The following SYT10 variants were observed in gnomAD, a reference collection of about 807,000 sequenced individuals.
The protein encoded by SYT10 is synaptotagmin 10, also known as synaptotagmin-10.
SYT10 carries 31 observed loss-of-function variants against 51.1 expected under a neutral mutation model. The ratio of observed to expected loss-of-function variants is 0.61; its 90% CI spans 0.46 to 0.82. SYT10 has a LOEUF of 0.82. Among genes scored for constraint, SYT10 ranks in the 40% least tolerant of loss-of-function variants. The pLI, the probability that SYT10 is intolerant of heterozygous loss-of-function variation, is 0.00. For missense variants in SYT10, 603 were observed against 634.0 expected, an observed-to-expected ratio of 0.95 and a Z score of 0.53; for synonymous variants, 233 against 225.9, an observed-to-expected ratio of 1.03 and a Z score of -0.28.
chr12:33,439,276 G>A, intron 1 of SYT10, 96 bp downstream of exon 1: 5 of 1,457,860 alleles, frequency 3.4e-6, no homozygotes, highest in South Asian at 1.3e-5. Flanking sequence ...AATATGCCGC[G>A]GGAGCGGCGC....
chr12:33,409,667 C>T (rs1272760341), intron 2 of SYT10, among the ~76,000 whole-genome samples: 1 of 152,026 alleles, frequency 6.6e-6, no homozygotes, highest in Non-Finnish European at 1.5e-5. Context: ...GCGCCCCCTA[C>T]CACGCCCGGC....
At chr12:33,423,807 T>A (rs907483671) in intron 2 of SYT10, 1 of 377,388 alleles carries the variant, frequency 2.6e-6, no homozygotes, top group African/African-American at 2.1e-5. Flanking sequence ...TCTGGATAAA[T>A]TTGAATTCTT....
intron 3 of SYT10, among the ~76,000 whole-genome samples, chr12:33,395,841 T>A (rs1406577343): frequency 1.3e-5 from 2 of 149,574 alleles, no homozygotes; most frequent in Non-Finnish European, 3.0e-5. Context: ...AGCCAATAGT[T>A]GGACTTCCGT....
intron 1 of SYT10, among the ~76,000 whole-genome samples, chr12:33,438,882 G>A (rs1866659114): frequency 6.6e-6 from 1 of 152,258 alleles, no homozygotes; most frequent in Non-Finnish European, 1.5e-5. Context: ...ACCTCTGCAA[G>A]GGAGTTCTGC....
At chr12:33,424,385 A>C (rs1866531605) in intron 2 of SYT10, among the ~76,000 whole-genome samples, 1 of 152,156 alleles carries the variant, frequency 6.6e-6, no homozygotes. Context: ...TAATCTGTAC[A>C]TATCAACTAA....
intron 3 of SYT10, among the ~76,000 whole-genome samples, chr12:33,401,360 C>T (rs908012605): frequency 3.3e-5 from 5 of 152,154 alleles, no homozygotes; most frequent in African/African-American, 4.8e-5. Flanking sequence ...TTTCTATGCT[C>T]GTATTAGAGG....
In SYT10 at chr12:33,379,857, A is replaced by G; in HGVS notation, c.1475T>C (p.Ile492Thr). ...NEMLAYHRKP[I>T]THWHPLLELP... is the part of the protein sequence containing the mutation. The stretch of plus-strand genomic sequence containing the variant: ...CTCCAGCAATGGGTGCCAGTGCGTT[A>G]TTGGTTTTCGATGATAGGCCAGCAT... The change falls in exon 6 of 7, where the codon ATA (isoleucine) becomes ACA (threonine). Residue 492 changes from isoleucine (I) to threonine (T), a missense_variant. By Grantham distance (89) the Ile-to-Thr change is moderately conservative. Transcript: ENST00000228567. The G allele has an allele frequency of 6.2e-7, 1 of 1,613,930 alleles. No individual in the cohort carries two copies. The highest frequency in any genetic ancestry group is 2.2e-5 in the East Asian group (1 of 44,846).
At chr12:33,387,423 A>G (rs551130705) in intron 3 of SYT10, among the ~76,000 whole-genome samples, 13 of 152,348 alleles carry the variant, frequency 8.5e-5, no homozygotes, top group African/African-American at 3.1e-4. Context: ...AAGGCACTTT[A>G]TACAGGGTTT....
At chr12:33,409,360 G>A (rs1248053318) in intron 2 of SYT10, among the ~76,000 whole-genome samples, 6 of 151,882 alleles carry the variant, frequency 4.0e-5, no homozygotes, top group Admixed American at 3.9e-4. Flanking sequence ...GAGATTAGAG[G>A]CTCCCACCAC....
At chr12:33,408,014 T>A (rs1866374644) in intron 2 of SYT10, 1 of 152,234 alleles carries the variant, frequency 6.6e-6, no homozygotes, top group African/African-American at 2.4e-5. Context: ...AAATTCAATA[T>A]TCCACAGAAA....
chr12:33,382,570 A>C, intron 4 of SYT10, 50 bp from the exon 5 acceptor site: 1 of 1,506,438 alleles, frequency 6.6e-7, no homozygotes, highest in Non-Finnish European at 8.8e-7. Flanking sequence ...AGTACAAAGC[A>C]TAAATAAAAC....
At chr12:33,423,460 G>C (rs1423984079) in intron 2 of SYT10, among the ~76,000 whole-genome samples, 1 of 151,934 alleles carries the variant, frequency 6.6e-6, no homozygotes, top group Admixed American at 6.6e-5. Context: ...TGTTCATGTG[G>C]ACTACCTAAT....
At chr12:33,394,207 A>G (rs1365638663) in intron 3 of SYT10, among the ~76,000 whole-genome samples, 1 of 152,222 alleles carries the variant, frequency 6.6e-6, no homozygotes, top group African/African-American at 2.4e-5. Flanking sequence ...TAGATATTGA[A>G]AAATCTAAAA....
chr12:33,438,687 C>G (rs961650201), intron 1 of SYT10, among the ~76,000 whole-genome samples: 1 of 152,208 alleles, frequency 6.6e-6, no homozygotes. Flanking sequence ...AACGTCTCCC[C>G]TCTCTTCCAC....
Position 33,382,506 on chromosome 12 carries a change from C to G in SYT10, c.1213G>C (p.Val405Leu). 3 of 1,606,428 alleles carry G rather than the reference C, an allele frequency of 1.9e-6. No homozygotes were observed. Among genetic ancestry groups the G allele is most frequent in the Non-Finnish European group, 2.5e-6 (3 of 1,176,980 alleles). ...CTTCGACCTTCACACATCAGGGACA[C>G]TTTGACATAAGGATCTAGGAATAAG... is the stretch of plus-strand genomic sequence containing the variant. ...ITGSSDPYVK[V>L]SLMCEGRRLK... Residue 405 changes from valine (V) to leucine (L), a missense_variant, in exon 5 of 7, where the codon GTG becomes CTG. Physicochemically the swap from Val to Leu is conservative, Grantham distance 32. Transcript: ENST00000228567.
intron 3 of SYT10, among the ~76,000 whole-genome samples, chr12:33,398,067 G>A (rs753135508): frequency 3.5e-4 from 54 of 152,256 alleles, no homozygotes; most frequent in Non-Finnish European, 5.7e-4. Context: ...GGGTGTTCAG[G>A]AGGGTGATAC....
intron 6 of SYT10, among the ~76,000 whole-genome samples, chr12:33,377,262 T>C (rs559127300): frequency 6.6e-6 from 1 of 152,348 alleles, no homozygotes; most frequent in African/African-American, 2.4e-5. Flanking sequence ...AACCTCTGCC[T>C]CCTGGGTTTA....
At chr12:33,392,220 A>T (rs1487840151) in intron 3 of SYT10, among the ~76,000 whole-genome samples, 3 of 152,208 alleles carry the variant, frequency 2.0e-5, no homozygotes, top group Non-Finnish European at 4.4e-5. Flanking sequence ...AATCAAATGT[A>T]TCCCTAAGGT....
chr12:33,431,228 G>A (rs192578402), intron 1 of SYT10, among the ~76,000 whole-genome samples: 40 of 152,270 alleles, frequency 2.6e-4, no homozygotes, highest in African/African-American at 9.1e-4. Flanking sequence ...GCACATCATT[G>A]CTAACTTCCC....
Sources: gnomAD v4.1 joint callset for allele counts (sites outside exome capture counted in the v4.1 genomes callset) on GRCh38, gnomAD v4.1.1 for gene constraint, MANE v1.5 for transcripts, NCBI Gene and HGNC (gene_info 2026-07-23, HGNC 2026-07-21) for gene names.